AFDN: variants seen among roughly 807,000 people sequenced by gnomAD.
AFDN encodes the protein afadin.
In AFDN, 68 loss-of-function variants were observed where a neutral mutation model predicts 216.6. That is an observed-to-expected ratio of 0.31 (90% confidence interval 0.26 to 0.38). AFDN has a LOEUF of 0.38. AFDN is among the 10% of genes least tolerant of loss of function. The pLI is 1.00. For synonymous variants in AFDN, 868 were observed against 853.7 expected (o/e 1.02, Z -0.29); for missense variants, 2,136 against 2,342.0 (o/e 0.91, Z 1.82).
chr6:167,832,232 G>T (rs1457543137), intron 1 of AFDN, among the ~76,000 whole-genome samples: 16 of 152,202 alleles, frequency 1.1e-4, no homozygotes, highest in Admixed American at 9.8e-4. Context: ...TTCTGGGCAT[G>T]TCGGAGTTGG....
chr6:167,951,777 T>C lies in AFDN; in HGVS notation c.4423T>C (p.Ser1475Pro). ...TAQQMKPEKP[S>P]TLQRPQETVI... ...ACAGCAGATGAAGCCCGAAAAGCCT[T>C]CCACACTCCAGCGGCCACAGGAAAC... Residue 1475 changes from serine (S) to proline (P), a missense_variant, in exon 30 of 34, where the codon TCC becomes CCC. Transcript: ENST00000683244. The surrounding 1 kb of genome is among the most constrained non-coding windows in gnomAD (Gnocchi z 7.1). The C allele has an allele frequency of 5.6e-6, 9 of 1,614,012 alleles. No individual in the cohort carries two copies. The highest frequency in any genetic ancestry group is 7.6e-6 in the Non-Finnish European group (9 of 1,180,008).
chr6:167,868,877 C>G (rs900375659), intron 2 of AFDN, among the ~76,000 whole-genome samples: 5 of 151,820 alleles, frequency 3.3e-5, no homozygotes, highest in Non-Finnish European at 7.4e-5. Flanking sequence ...ATTCTCCCCC[C>G]TCAGCCCTCC....
intron 31 of AFDN, chr6:167,964,644 G>A (rs1797361212): frequency 4.7e-6 from 5 of 1,063,762 alleles, no homozygotes; most frequent in Non-Finnish European, 4.6e-6. Context: ...GTGTGTGTGT[G>A]TGTGTGTGTG....
chr6:167,934,182 C>T (rs769242381), intron 23 of AFDN, among the ~76,000 whole-genome samples: 1 of 152,156 alleles, frequency 6.6e-6, no homozygotes, highest in Non-Finnish European at 1.5e-5. Context: ...CCTTCGTTCC[C>T]TTCATTTTAT....
At chr6:167,957,946 A>G (rs1158170012) in intron 30 of AFDN, among the ~76,000 whole-genome samples, 1 of 152,242 alleles carries the variant, frequency 6.6e-6, no homozygotes, top group Non-Finnish European at 1.5e-5. Context: ...AGATTGACCC[A>G]GTATCACACA....
chr6:167,865,295 T>C (rs1366855440), intron 2 of AFDN, among the ~76,000 whole-genome samples: 1 of 152,158 alleles, frequency 6.6e-6, no homozygotes, highest in Non-Finnish European at 1.5e-5. Context: ...AAATATCTTA[T>C]ATAGCAATAT....
At chr6:167,846,789 A>G (rs927360532) in intron 1 of AFDN, among the ~76,000 whole-genome samples, 3 of 151,136 alleles carry the variant, frequency 2.0e-5, no homozygotes, top group African/African-American at 4.9e-5. Context: ...TGTCTAGGAA[A>G]TGGCATTTTC....
At chr6:167,871,047 G>A (rs1784731271) in intron 3 of AFDN, among the ~76,000 whole-genome samples, 1 of 152,096 alleles carries the variant, frequency 6.6e-6, no homozygotes, top group Admixed American at 6.6e-5. Flanking sequence ...AATTCATTAT[G>A]GACAAGTGAT....
chr6:167,844,849 CTTTTTTTT>C (rs67495555), intron 1 of AFDN, among the ~76,000 whole-genome samples: 4 of 127,690 alleles, frequency 3.1e-5, no homozygotes, highest in South Asian at 2.6e-4. Context: ...CTTTTCTTTT[CTTTTTTTT>C]TTTTTTTTTT....
chr6:167,845,290 A>T, intron 1 of AFDN, among the ~76,000 whole-genome samples: 1 of 152,084 alleles, frequency 6.6e-6, no homozygotes, highest in East Asian at 1.9e-4. Context: ...AAACATTTTG[A>T]TGTTTTACTG....
chr6:167,907,026 C>T (rs776940077), intron 12 of AFDN, 145 bp from the exon 13 acceptor site: 14 of 626,356 alleles, frequency 2.2e-5, no homozygotes, highest in Non-Finnish European at 3.7e-5. Flanking sequence ...CATAGTGTCC[C>T]CAGCATTGCT....
chr6:167,855,646 A>G (rs775520076), intron 1 of AFDN, among the ~76,000 whole-genome samples: 7 of 152,238 alleles, frequency 4.6e-5, no homozygotes, highest in South Asian at 2.1e-4. Context: ...AAGATAGCTT[A>G]TAGCTTTAAC....
intron 30 of AFDN, chr6:167,954,467 A>G (rs780685612): frequency 4.8e-5 from 77 of 1,599,510 alleles, no homozygotes; most frequent in Non-Finnish European, 6.4e-5. Flanking sequence ...GCAGACTGCT[A>G]TGCCAGCAAT....
At chr6:167,894,388 C>T (rs1436440073) in intron 9 of AFDN, among the ~76,000 whole-genome samples, 1 of 152,152 alleles carries the variant, frequency 6.6e-6, no homozygotes, top group Non-Finnish European at 1.5e-5. Context: ...GACTCAGGCA[C>T]TTTGGGCAGA....
intron 3 of AFDN, 35 bp downstream of exon 3, chr6:167,870,533 C>G (rs1286145784): frequency 1.5e-6 from 2 of 1,341,860 alleles, no homozygotes; most frequent in Admixed American, 3.6e-5. Context: ...CGGTCTTGGT[C>G]CAGGGCCAGG....
chr6:167,835,140 T>C (rs1410692703), intron 1 of AFDN, among the ~76,000 whole-genome samples: 1 of 152,202 alleles, frequency 6.6e-6, no homozygotes, highest in Non-Finnish European at 1.5e-5. Context: ...AATAACAAAA[T>C]GTTAACCTTT....
chr6:167,954,637 A>G, intron 30 of AFDN: 1 of 537,422 alleles, frequency 1.9e-6, no homozygotes, highest in Non-Finnish European at 3.1e-6. Context: ...GACACTTTAG[A>G]AGCATGCCTT....
chr6:167,898,254 A>G lies in AFDN; in HGVS notation c.1367A>G (p.Asp456Gly), dbSNP rs752245818. The change falls in exon 11 of 34, where the codon GAT becomes GGT. Residue 456 changes from aspartate (D) to glycine (G), a missense_variant. Asp to Gly is a moderately conservative substitution (Grantham distance 94). Transcript: ENST00000683244. The part of the protein sequence containing the change: ...QPHHCDLTNM[D>G]GVVTVTPRSM... ...CATCACTGTGACCTTACCAACATGG[A>G]TGGAGTGGTCACTGTGACGCCCAGA... is the stretch of plus-strand genomic sequence containing the variant. 6.2e-7 allele frequency: 1 copy of G among 1,614,068 alleles called. No homozygotes were observed. Among genetic ancestry groups the G allele is most frequent in the Admixed American group, 1.7e-5 (1 of 60,012 alleles).
rs35502815 is a variant in AFDN, at chr6:167,918,213, G to A, written c.2710-522G>A. On this transcript the variant is annotated intron_variant, in intron 20 of 33. Transcript: ENST00000683244. ...TATGTGGGTAATACATCAATAAAACGTGTCTAAATAAAAATCACCCATAAA... is the reference window on the plus strand; with the variant it reads ...TATGTGGGTAATACATCAATAAAACATGTCTAAATAAAAATCACCCATAAA... 3.3e-5 allele frequency among the ~76,000 whole-genome samples: 5 copies of A among 152,210 alleles called. No homozygotes were observed. In the South Asian group the frequency reaches 6.2e-4, roughly 19 times the overall value.
Sources: allele counts gnomAD v4.1 joint callset (sites outside exome capture counted in the v4.1 genomes callset), GRCh38; gene constraint gnomAD v4.1.1; non-coding constraint Gnocchi (gnomAD v3.1); transcripts MANE v1.5; gene names NCBI Gene and HGNC (gene_info 2026-07-23, HGNC 2026-07-21).